EED: variants seen among roughly 807,000 people sequenced by gnomAD.
EED encodes the protein polycomb protein EED.
A neutral mutation model predicts 61.0 loss-of-function variants in EED; 9 were observed. The ratio of observed to expected loss-of-function variants is 0.15; its 90% CI spans 0.09 to 0.26. EED has a LOEUF of 0.26. Among genes scored for constraint, EED ranks in the 10% least tolerant of loss-of-function variants. The probability of loss-of-function intolerance (pLI) is 1.00; values close to 1 mark genes in which losing one functional copy is unlikely to be tolerated. For missense variants in EED, 315 were observed against 542.3 expected (o/e 0.58, Z 4.16); for synonymous variants, 187 against 174.4 (o/e 1.07, Z -0.57).
chr11:86,266,680 T>G (rs1285924871), intron 8 of EED, among the ~76,000 whole-genome samples: 3 of 152,172 alleles, frequency 2.0e-5, no homozygotes, highest in Admixed American at 6.5e-5. Context: ...CCCTAAATGA[T>G]GCTCACTTGA....
In EED at chr11:86,252,027, A is replaced by G. The variant is rs1406245073; in HGVS notation, c.268-121A>G. 1.7e-5 allele frequency: 10 copies of G among 573,830 alleles called. No individual in the cohort carries two copies. The East Asian group carries it at 2.6e-4, about 15-fold the overall frequency. 35.5% of individuals were successfully genotyped at this position (573,830 alleles called of 1,614,324 possible). ...TAATTTTAGTGTCAAAAGTTAGCTT[A>G]TGTATGATACACAAAATAATGTATT... On this transcript the variant is annotated intron_variant, in intron 2 of 11. Transcript: ENST00000263360.
chr11:86,267,766 ATTTTTTT>A (rs36185703), intron 8 of EED: 19 of 108,746 alleles, frequency 1.7e-4, no homozygotes, highest in East Asian at 5.5e-4. Flanking sequence ...TGCCTGGCTA[ATTTTTTT>A]TTTTTTTTTT....
Position 86,266,200 on chromosome 11 carries a change from C to A in EED, c.844C>A (p.Pro282Thr). The change falls in exon 8 of 12, where the codon CCA becomes ACA. Residue 282 changes from proline (P) to threonine (T), a missense_variant. By Grantham distance (38) the Pro-to-Thr change is conservative (BLOSUM62 -1). Around this residue, in one of 2 missense-constraint regions of EED, gnomAD observed 205 missense variants for 455.4 expected, o/e 0.45. Transcript: ENST00000263360. Reference sequence around the variant, plus strand: ...AATTAAGGAATCTTATGATTATAATCCAAATAAAACTAACAGGTAACAGTT... The same window carrying A: ...AATTAAGGAATCTTATGATTATAATACAAATAAAACTAACAGGTAACAGTT... ...NAIKESYDYN[P>T]NKTNRPFISQ... 6.3e-7 allele frequency: 1 copy of A among 1,594,724 alleles called. No individual in the cohort carries two copies. Among genetic ancestry groups the A allele is most frequent in the Non-Finnish European group, 8.6e-7 (1 of 1,167,920 alleles).
At chr11:86,283,637 T>C (rs749618562), downstream of EED, among the ~76,000 whole-genome samples, 15 of 152,074 alleles carry the variant, frequency 9.9e-5, no homozygotes, top group Non-Finnish European at 1.8e-4. Context: ...GGGAAACAAA[T>C]AGAACTTTTA....
chr11:86,263,106 A>G (rs1204650352), intron 6 of EED, among the ~76,000 whole-genome samples: 1 of 152,172 alleles, frequency 6.6e-6, no homozygotes, highest in Non-Finnish European at 1.5e-5. Flanking sequence ...ACACCCTGCC[A>G]ACAGGGATAG....
chr11:86,265,560 G>A (rs1010176437), intron 7 of EED: 3 of 152,070 alleles, frequency 2.0e-5, no homozygotes, highest in African/African-American at 7.2e-5. Flanking sequence ...GTTAAAATCT[G>A]TTTTTTATTA....
rs371131577 is a variant in EED, at chr11:86,266,077, A to G, written c.727-6A>G. 159 of 1,578,512 alleles carry G rather than the reference A, an allele frequency of 1.0e-4. 1 individual carries two copies. The highest frequency in any genetic ancestry group is 1.3e-4 in the Non-Finnish European group (147 of 1,166,488). On this transcript the variant is annotated splice_polypyrimidine_tract_variant and splice_region_variant and intron_variant, in intron 7 of 11. Transcript: ENST00000263360. ...TTTATATAAAACTTTTTGGTTTTGC[A>G]TACAGGATTATGATCTTTTGGGTGA...
rs1945337382 is a variant in EED, at chr11:86,244,770, T to A, written c.-460T>A. ...TGTAGCCCATTCCACAGACTTTCGCTCCCTAGCAGCGGGTCGGAGATCGAA... is the reference window on the plus strand; with the variant it reads ...TGTAGCCCATTCCACAGACTTTCGCACCCTAGCAGCGGGTCGGAGATCGAA... On this transcript the variant is annotated 5_prime_UTR_variant, in exon 1 of 12. Transcript: ENST00000263360. 4.3e-6 allele frequency: 1 copy of A among 232,928 alleles called. No homozygotes were observed. The allele number at this position is 232,928 out of a possible 1,614,324, so 14.4% of individuals were successfully genotyped here. A position where few individuals can be genotyped will look rare whatever the true frequency, so the allele number is the denominator to read the frequency against.
chr11:86,271,204 T>C (rs1043425928), intron 9 of EED, among the ~76,000 whole-genome samples: 3 of 152,214 alleles, frequency 2.0e-5, no homozygotes, highest in Non-Finnish European at 2.9e-5. Context: ...TCTTTGACTT[T>C]TGTCATCAGC....
chr11:86,263,698 C>G (rs990526585), intron 6 of EED, among the ~76,000 whole-genome samples: 1 of 152,078 alleles, frequency 6.6e-6, no homozygotes, highest in African/African-American at 2.4e-5. Flanking sequence ...TTATAATGAA[C>G]AAAAATTTAT....
At chr11:86,273,372 T>C (rs1446795541) in intron 9 of EED, among the ~76,000 whole-genome samples, 1 of 152,226 alleles carries the variant, frequency 6.6e-6, no homozygotes, top group African/African-American at 2.4e-5. Flanking sequence ...CCATTTATAA[T>C]TGTCTTAAAT....
the EED span, among the ~76,000 whole-genome samples, chr11:86,285,116 C>G: frequency 6.7e-6 from 1 of 150,176 alleles, no homozygotes; most frequent in East Asian, 2.0e-4. Flanking sequence ...GTCTCAAAAA[C>G]GAAAAACCAA....
At chr11:86,252,729 T>C (rs956514089) in intron 3 of EED, among the ~76,000 whole-genome samples, 3 of 151,834 alleles carry the variant, frequency 2.0e-5, no homozygotes, top group Non-Finnish European at 2.9e-5. Context: ...TTGAGACAGG[T>C]AGTGTTTGGT....
At chr11:86,251,587 C>T (rs1053361036) in intron 2 of EED, among the ~76,000 whole-genome samples, 3 of 152,164 alleles carry the variant, frequency 2.0e-5, no homozygotes, top group Non-Finnish European at 2.9e-5. Context: ...TTGTACATCT[C>T]CTATAGCCTC....
At chr11:86,258,555 G>GTTTTTTT (rs563888569) in intron 6 of EED, among the ~76,000 whole-genome samples, 5 of 130,886 alleles carry the variant, frequency 3.8e-5, no homozygotes, top group East Asian at 2.2e-4. Context: ...TTGTTTTTTG[G>GTTTTTTT]TTTTTTTTTT....
At chr11:86,255,496 A>G (rs904073928) in intron 4 of EED, among the ~76,000 whole-genome samples, 2 of 152,222 alleles carry the variant, frequency 1.3e-5, no homozygotes, top group African/African-American at 4.8e-5. Context: ...GCAAAAAGAA[A>G]AAGAAAAGAA....
chr11:86,272,321 G>A (rs370368369), intron 9 of EED, among the ~76,000 whole-genome samples: 3 of 151,612 alleles, frequency 2.0e-5, no homozygotes, highest in Non-Finnish European at 2.9e-5. Context: ...GCCTCCCGAC[G>A]TGCTGGGGTT....
intron 5 of EED, among the ~76,000 whole-genome samples, 196 bp from the exon 6 acceptor site, chr11:86,257,319 G>A (rs1204563777): frequency 1.3e-5 from 2 of 148,828 alleles, no homozygotes; most frequent in Non-Finnish European, 3.0e-5. Context: ...AAAAACATGA[G>A]CCACCCACTG....
intron 9 of EED, among the ~76,000 whole-genome samples, chr11:86,269,795 C>T (rs1946069134): frequency 1.3e-5 from 2 of 152,246 alleles, no homozygotes; most frequent in South Asian, 4.1e-4. Context: ...TCCACTCAAA[C>T]CCTTGAGATC....
Sources: gnomAD v4.1 joint callset for allele counts (sites outside exome capture counted in the v4.1 genomes callset) on GRCh38, gnomAD v4.1.1 for gene constraint, gnomAD v4.1.1 regional missense constraint, MANE v1.5 for transcripts, NCBI Gene and HGNC (gene_info 2026-07-23, HGNC 2026-07-21) for gene names.